Variants in TMEM132C observed in about 807,000 individuals in gnomAD.
TMEM132C encodes transmembrane protein 132C.
Under a neutral mutation model 61.4 loss-of-function variants are expected in TMEM132C, and 29 were observed. That is an observed-to-expected ratio of 0.47 (90% CI 0.35 to 0.64). The LOEUF (loss-of-function observed/expected upper bound fraction) is 0.64. TMEM132C is among the 30% of genes least tolerant of loss of function. The pLI is 0.00. For synonymous variants in TMEM132C, 656 were observed against 633.1 expected, an observed-to-expected ratio of 1.04 and a Z score of -0.54; for missense variants, 1,408 against 1,476.9, an observed-to-expected ratio of 0.95 and a Z score of 0.76.
intron 2 of TMEM132C, among the ~76,000 whole-genome samples, chr12:128,485,428 C>T (rs977889755): frequency 4.6e-5 from 7 of 152,142 alleles, no homozygotes; most frequent in African/African-American, 1.2e-4. Context: ...TCGCCCACCT[C>T]GGCCTCCCAA....
At chr12:128,325,963 T>G (rs1012416081) in intron 1 of TMEM132C, among the ~76,000 whole-genome samples, 10 of 152,136 alleles carry the variant, frequency 6.6e-5, no homozygotes, top group Admixed American at 3.3e-4. Flanking sequence ...GCAGGACATA[T>G]GTGGTCCCTC....
At position 128,460,197 on chromosome 12, in the gene TMEM132C, G is replaced by A. The variant is rs183313202; in HGVS notation, c.974+44577G>A. 2.6e-4 allele frequency among the ~76,000 whole-genome samples: 40 copies of A among 152,192 alleles called. No individual in the cohort carries two copies. The East Asian group carries it at 6.8e-3, about 26-fold the overall frequency. On this transcript the variant is annotated intron_variant, in intron 2 of 8. Coordinates refer to ENST00000435159, the MANE Select transcript of TMEM132C (RefSeq NM_001136103.3). ...AAGCTGGCTTAGGGGAGAAGAAGGG[G>A]GAAATAGTGGGTCATCTAAATAAAA...
At chr12:128,605,536 C>T (rs1316027807) in intron 3 of TMEM132C, among the ~76,000 whole-genome samples, 1 of 152,186 alleles carries the variant, frequency 6.6e-6, no homozygotes, top group Non-Finnish European at 1.5e-5. Context: ...TCCCATGGCT[C>T]TGTCAAGGTA....
chr12:128,507,149 C>G (rs1565956610), intron 2 of TMEM132C, among the ~76,000 whole-genome samples: 5 of 152,048 alleles, frequency 3.3e-5, no homozygotes, highest in Non-Finnish European at 1.5e-5. Flanking sequence ...AGTTGGGTTT[C>G]TGCTGCTTAC....
chr12:128,639,165 GTGATGGTGA>G (rs1565999162), intron 4 of TMEM132C, among the ~76,000 whole-genome samples: 1 of 114,814 alleles, frequency 8.7e-6, no homozygotes, highest in Non-Finnish European at 2.0e-5. Flanking sequence ...GGTGATGGTG[GTGATGGTGA>G]TGATGGTGGT....
chr12:128,363,442 C>T (rs1191742586), intron 1 of TMEM132C, among the ~76,000 whole-genome samples: 1 of 152,134 alleles, frequency 6.6e-6, no homozygotes, highest in Non-Finnish European at 1.5e-5. Flanking sequence ...CAGTAAGGTG[C>T]CAGTGTTGTT....
chr12:128,440,622 A>G (rs1869750276), intron 2 of TMEM132C, among the ~76,000 whole-genome samples: 1 of 152,254 alleles, frequency 6.6e-6, no homozygotes, highest in Non-Finnish European at 1.5e-5. Context: ...TCACATGGCC[A>G]GATCTGATTG....
At chr12:128,311,607 C>G (rs1871965802) in intron 1 of TMEM132C, among the ~76,000 whole-genome samples, 1 of 152,240 alleles carries the variant, frequency 6.6e-6, no homozygotes, top group African/African-American at 2.4e-5. Flanking sequence ...AGCTCACCCA[C>G]AGTACTTTCA....
At chr12:128,348,455 C>T (rs752910783) in intron 1 of TMEM132C, among the ~76,000 whole-genome samples, 6 of 152,212 alleles carry the variant, frequency 3.9e-5, no homozygotes, top group Non-Finnish European at 8.8e-5. Flanking sequence ...ACTAGAAACT[C>T]CAGTACAACA....
rs1297162275 is a variant in TMEM132C, at chr12:128,267,419, C to A, written c.17C>A (p.Ala6Glu). Reference sequence around the variant, plus strand: ...GGACGCAGGATGCGCTCCGAGGGTGCGGCCCCCGGGCCGGCGGCGCCGCTG... The same window carrying A: ...GGACGCAGGATGCGCTCCGAGGGTGAGGCCCCCGGGCCGGCGGCGCCGCTG... MRSEG[A>E]APGPAAPLCG... Residue 6 changes from alanine (A) to glutamate (E), a missense_variant, in exon 1 of 9, where the codon GCG (alanine) becomes GAG (glutamate). Transcript: ENST00000435159. 9.0e-6 allele frequency: 11 copies of A among 1,226,664 alleles called. No individual in the cohort carries two copies. Among genetic ancestry groups the A allele is most frequent in the Non-Finnish European group, 1.1e-5 (11 of 985,200 alleles). The allele number at this position is 1,226,664 out of a possible 1,614,324, so 76.0% of individuals were successfully genotyped here. A position where few individuals can be genotyped will look rare whatever the true frequency, so the allele number is the denominator to read the frequency against.
intron 8 of TMEM132C, among the ~76,000 whole-genome samples, chr12:128,702,713 C>A (rs1954812496): frequency 6.6e-6 from 1 of 152,180 alleles, no homozygotes; most frequent in Non-Finnish European, 1.5e-5. Flanking sequence ...GTTATCCCAC[C>A]CAAGTGTGGG....
Position 128,695,900 on chromosome 12 carries a change from C to G in TMEM132C, c.1726C>G (p.His576Asp). ...CCGGGGCTGCGCACTGCAATACCAGCACGCCACCGTGCGGGTCCTCACCCA... is the reference window on the plus strand; with the variant it reads ...CCGGGGCTGCGCACTGCAATACCAGGACGCCACCGTGCGGGTCCTCACCCA... ...RGRGCALQYQHATVRVLTQFV... is the reference protein window; with the variant it reads ...RGRGCALQYQDATVRVLTQFV... The change falls in exon 7 of 9, where the codon CAC becomes GAC. Residue 576 changes from histidine (H) to aspartate (D), a missense_variant. By Grantham distance (81) the His-to-Asp change is moderately conservative (BLOSUM62 -1). Coordinates refer to ENST00000435159, the MANE Select transcript of TMEM132C (RefSeq NM_001136103.3). 1 of 1,551,562 alleles carries G rather than the reference C, an allele frequency of 6.4e-7. No individual in the cohort carries two copies. The highest frequency in any genetic ancestry group is 8.7e-7 in the Non-Finnish European group (1 of 1,146,996).
chr12:128,394,751 G>A (rs906939682), intron 1 of TMEM132C, among the ~76,000 whole-genome samples: 4 of 152,068 alleles, frequency 2.6e-5, no homozygotes, highest in Non-Finnish European at 2.9e-5. Context: ...TGCACCTGTC[G>A]GAAAACCATA....
chr12:128,317,867 C>T (rs2135932038), intron 1 of TMEM132C, among the ~76,000 whole-genome samples: 1 of 152,288 alleles, frequency 6.6e-6, no homozygotes, highest in East Asian at 1.9e-4. Context: ...CACTGTACTC[C>T]ATCCTGGGTG....
At chr12:128,442,790 G>T (rs1357483537) in intron 2 of TMEM132C, among the ~76,000 whole-genome samples, 1 of 152,086 alleles carries the variant, frequency 6.6e-6, no homozygotes, top group Non-Finnish European at 1.5e-5. Flanking sequence ...CTGTATTCAC[G>T]ATGTTGTGCA....
rs1565992495 is a variant in TMEM132C, at chr12:128,616,132, G to A, written c.1122-20G>A. On this transcript the variant is annotated intron_variant, in intron 3 of 8. Coordinates refer to ENST00000435159, the MANE Select transcript of TMEM132C (RefSeq NM_001136103.3). ...TTTGAACAAAGTTGGCTTAAAGCCA[G>A]TTTCTTTTCTCTCTTCCAGGAGCAG... 1 of 1,548,156 alleles carries A rather than the reference G, an allele frequency of 6.5e-7. No individual in the cohort carries two copies. Among genetic ancestry groups the A allele is most frequent in the Admixed American group, 2.0e-5 (1 of 50,294 alleles).
chr12:128,332,310 G>A (rs927439094), intron 1 of TMEM132C, among the ~76,000 whole-genome samples: 4 of 152,184 alleles, frequency 2.6e-5, no homozygotes, highest in African/African-American at 9.7e-5. Context: ...TTCTTCTGCA[G>A]TCCTTTTTCT....
At chr12:128,536,026 C>G (rs1200106769) in intron 2 of TMEM132C, among the ~76,000 whole-genome samples, 1 of 152,182 alleles carries the variant, frequency 6.6e-6, no homozygotes, top group African/African-American at 2.4e-5. Flanking sequence ...TTTGACCCAG[C>G]AATCCCACTA....
chr12:128,691,237 G>A (rs190016604), intron 5 of TMEM132C, among the ~76,000 whole-genome samples: 1 of 152,352 alleles, frequency 6.6e-6, no homozygotes, highest in Admixed American at 6.5e-5. Flanking sequence ...AATGACCCAA[G>A]AAAGGTTAGG....
Sources: gnomAD v4.1 joint callset for allele counts (sites outside exome capture counted in the v4.1 genomes callset) on GRCh38, gnomAD v4.1.1 for gene constraint, MANE v1.5 for transcripts, NCBI Gene and HGNC (gene_info 2026-07-23, HGNC 2026-07-21) for gene names.